The following LDHAL6A variants were observed in gnomAD, a reference collection of about 807,000 sequenced individuals.
The protein encoded by LDHAL6A is lactate dehydrogenase A like 6A, also known as L-lactate dehydrogenase A-like 6A.
LDHAL6A carries 19 observed loss-of-function variants against 28.2 expected under a neutral mutation model. The observed-to-expected ratio is 0.67, with a 90% CI of 0.47 to 0.99. The LOEUF is 0.99. Ranked by LOEUF, LDHAL6A falls within the 50% of genes least tolerant of loss-of-function variation. The pLI, the probability that LDHAL6A is intolerant of heterozygous loss-of-function variation, is 0.00. For missense variants in LDHAL6A, 372 were observed against 398.6 expected (o/e 0.93, Z 0.57); for synonymous variants, 144 against 134.4 (o/e 1.07, Z -0.49).
At position 18,476,416 on chromosome 11, in the gene LDHAL6A, G is replaced by C. The variant is rs138755561; in HGVS notation, c.625G>C (p.Val209Leu). ...GTGGAGTGGTGTGAACATTGCTGGC[G>C]TCCCTCTGAAGGATCTGAACCCAGA... The part of the protein sequence containing the change: ...PVWSGVNIAG[V>L]PLKDLNPDIG... The change falls in exon 5 of 7, where the codon GTC (valine) becomes CTC (leucine). Residue 209 changes from valine (V) to leucine (L), a missense_variant. By Grantham distance (32) the Val-to-Leu change is conservative (BLOSUM62 1). This residue lies in a region of LDHAL6A where 291 missense variants were observed against 302.9 expected (regional missense o/e 0.96). Coordinates refer to ENST00000280706, the MANE Select transcript of LDHAL6A (RefSeq NM_144972.5). 6 of 1,613,920 alleles carry C rather than the reference G, an allele frequency of 3.7e-6. No homozygotes were observed. Among genetic ancestry groups the C allele is most frequent in the South Asian group, 3.3e-5 (3 of 91,076 alleles).
chr11:18,457,770 C>G (rs142985234), intron 1 of LDHAL6A, among the ~76,000 whole-genome samples: 1,868 of 152,224 alleles, frequency 0.012, 14 homozygotes, highest in Non-Finnish European at 0.019. Flanking sequence ...CTCCTGGCCT[C>G]AAGCAGGAGG....
chr11:18,464,899 C>A (rs1167239540), intron 2 of LDHAL6A, among the ~76,000 whole-genome samples: 1 of 151,602 alleles, frequency 6.6e-6, no homozygotes, highest in Non-Finnish European at 1.5e-5. Context: ...TCTAAATATT[C>A]TTGCCAGAGT....
chr11:18,473,259 T>C (rs1849292522), intron 3 of LDHAL6A, among the ~76,000 whole-genome samples: 2 of 152,218 alleles, frequency 1.3e-5, no homozygotes, highest in Admixed American at 6.5e-5. Flanking sequence ...ACAAAATAAT[T>C]GCTCCTATAG....
rs1565068683 is a variant in LDHAL6A, at chr11:18,464,977, G to GTTTTTTTGTTTTT, written c.245-653_245-652insGTTTTTTTTTTTT. Among the ~76,000 whole-genome samples the GTTTTTTTGTTTTT allele has an allele frequency of 1.8e-3, 226 of 125,430 alleles. 8 individuals are homozygous for GTTTTTTTGTTTTT. Among genetic ancestry groups the GTTTTTTTGTTTTT allele is most frequent in the Admixed American group, 0.01 (121 of 11,898 alleles). 82.3% of individuals were successfully genotyped at this position (125,430 alleles called of 152,430 possible). A position where few individuals can be genotyped will look rare whatever the true frequency, so the allele number is the denominator to read the frequency against. On this transcript the variant is annotated intron_variant, in intron 2 of 6. Transcript: ENST00000280706. ...TTTTAGGAGGTGAGGTGTTTTTTTT[G>GTTTTTTTGTTTTT]TTTTTTTTTGTTTTGTTTTGTTTTG...
At chr11:18,467,920 C>CACACACATATATATATATATAT (rs1565071039) in intron 3 of LDHAL6A, among the ~76,000 whole-genome samples, 1 of 42,054 alleles carries the variant, frequency 2.4e-5, no homozygotes, top group African/African-American at 1.4e-4. Context: ...TATATATATA[C>CACACACATATATATATATATAT]ACACACATAT....
At chr11:18,460,880 A>T (rs1014196352) in intron 1 of LDHAL6A, among the ~76,000 whole-genome samples, 1 of 152,192 alleles carries the variant, frequency 6.6e-6, no homozygotes, top group African/African-American at 2.4e-5. Flanking sequence ...TCTGTTGCAC[A>T]GGCTGCAGTG....
At chr11:18,475,342 A>G in intron 3 of LDHAL6A, 124 bp from the exon 4 acceptor site, 1 of 737,728 alleles carries the variant, frequency 1.4e-6, no homozygotes, top group East Asian at 2.5e-5. Flanking sequence ...CTGGGGTTGG[A>G]TAGAGAACCA....
intron 1 of LDHAL6A, among the ~76,000 whole-genome samples, chr11:18,462,495 G>A (rs1187951632): frequency 1.3e-5 from 2 of 151,968 alleles, no homozygotes; most frequent in East Asian, 3.9e-4. Flanking sequence ...AAATTAGCCA[G>A]GTGTGGTGGC....
intron 4 of LDHAL6A, among the ~76,000 whole-genome samples, chr11:18,475,882 A>T (rs1849365818): frequency 6.6e-6 from 1 of 152,190 alleles, no homozygotes; most frequent in Admixed American, 6.5e-5. Context: ...GCTTTTCTTA[A>T]ATAGAGAACT....
At chr11:18,460,425 C>G (rs548214644) in intron 1 of LDHAL6A, among the ~76,000 whole-genome samples, 8 of 151,784 alleles carry the variant, frequency 5.3e-5, no homozygotes, top group Admixed American at 1.3e-4. Context: ...AACCCCATCT[C>G]TACTAAAAAT....
At chr11:18,466,651 CAAAA>C (rs67371371) in intron 3 of LDHAL6A, among the ~76,000 whole-genome samples, 1 of 79,336 alleles carries the variant, frequency 1.3e-5, no homozygotes, top group Non-Finnish European at 2.6e-5. Context: ...GACCCTGTCT[CAAAA>C]AAAAAAAAAA....
chr11:18,476,288 A>G (rs932137335), intron 4 of LDHAL6A, 96 bp from the exon 5 acceptor site: 2 of 1,390,422 alleles, frequency 1.4e-6, no homozygotes, highest in African/African-American at 2.9e-5. Context: ...CTAGTTGGAA[A>G]TCACTCAGGG....
intron 3 of LDHAL6A, among the ~76,000 whole-genome samples, chr11:18,471,205 T>C (rs1037386446): frequency 4.0e-5 from 6 of 148,152 alleles, no homozygotes; most frequent in Non-Finnish European, 8.9e-5. Context: ...AACTAAACTT[T>C]AGAAGTTTTT....
intron 3 of LDHAL6A, among the ~76,000 whole-genome samples, chr11:18,474,622 G>A (rs1035214553): frequency 2.6e-5 from 4 of 151,744 alleles, no homozygotes; most frequent in Admixed American, 2.0e-4. Flanking sequence ...CTTGACCTCA[G>A]GTAATCCACT....
At position 18,456,486 on chromosome 11, in the gene LDHAL6A, T is replaced by TG; in HGVS notation, c.-194dup. ...CTGGTCCGCTTCATGGATGCTGAGC[T>TG]GCCTGGCCAGAACCTACCCAGCTTC... is the stretch of plus-strand genomic sequence containing the variant. On this transcript the variant is annotated 5_prime_UTR_variant, in exon 1 of 7. It removes the in-frame stop codon of an upstream open reading frame in the 5' UTR. Coordinates refer to ENST00000280706, the MANE Select transcript of LDHAL6A (RefSeq NM_144972.5). 5.3e-6 allele frequency: 3 copies of TG among 562,282 alleles called. No homozygotes were observed. Among genetic ancestry groups the TG allele is most frequent in the Non-Finnish European group, 9.4e-6 (3 of 318,742 alleles). 34.8% of individuals were successfully genotyped at this position (562,282 alleles called of 1,614,324 possible). A position where few individuals can be genotyped will look rare whatever the true frequency, so the allele number is the denominator to read the frequency against.
intron 3 of LDHAL6A, among the ~76,000 whole-genome samples, chr11:18,470,507 A>G (rs1367255870): frequency 6.6e-6 from 1 of 152,218 alleles, no homozygotes. Context: ...ATGAATCACC[A>G]GAGACACTTT....
chr11:18,475,238 TTC>T (rs1174682052), intron 3 of LDHAL6A: 5 of 412,578 alleles, frequency 1.2e-5, no homozygotes, highest in Non-Finnish European at 2.2e-5. Context: ...GGAGTGAACA[TTC>T]TGTGTTTCTG....
At chr11:18,474,844 A>T (rs1448391748) in intron 3 of LDHAL6A, among the ~76,000 whole-genome samples, 3 of 152,162 alleles carry the variant, frequency 2.0e-5, no homozygotes, top group Non-Finnish European at 2.9e-5. Flanking sequence ...TAAAAAAATA[A>T]TTTTTTCCTA....
At chr11:18,458,937 T>C (rs1432733433) in intron 1 of LDHAL6A, among the ~76,000 whole-genome samples, 1 of 152,242 alleles carries the variant, frequency 6.6e-6, no homozygotes, top group African/African-American at 2.4e-5. Flanking sequence ...CTTTCATTTT[T>C]ATAAATAAGG....
Sources: gnomAD v4.1 joint callset for allele counts (sites outside exome capture counted in the v4.1 genomes callset) on GRCh38, gnomAD v4.1.1 for gene constraint, gnomAD v4.1.1 regional missense constraint, MANE v1.5 for transcripts, NCBI Gene and HGNC (gene_info 2026-07-23, HGNC 2026-07-21) for gene names.